CTC1: variants seen among roughly 807,000 people sequenced by gnomAD.
CTC1 encodes the protein CST complex subunit CTC1.
CTC1 carries 91 observed loss-of-function variants against 136.3 expected under a neutral mutation model. The observed-to-expected ratio is 0.67, with a 90% CI of 0.56 to 0.79. CTC1 has a LOEUF of 0.79. Ranked by LOEUF, CTC1 falls within the 30% of genes least tolerant of loss-of-function variation. The pLI is 0.00. For synonymous variants in CTC1, 606 were observed against 613.8 expected, an observed-to-expected ratio of 0.99 and a Z score of 0.19; for missense variants, 1,432 against 1,498.1, an observed-to-expected ratio of 0.96 and a Z score of 0.73.
At chr17:8,233,241 A>C (rs1987398859) in intron 10 of CTC1, 1 of 559,946 alleles carries the variant, frequency 1.8e-6, no homozygotes, top group South Asian at 2.1e-5. Context: ...GAGAAAGCGC[A>C]CAAATAGAGG....
chr17:8,230,583 G>T lies in CTC1; in HGVS notation c.2738C>A (p.Ala913Glu), dbSNP rs771428933. The T allele has an allele frequency of 6.2e-7, 1 of 1,614,058 alleles. No individual in the cohort carries two copies. Among genetic ancestry groups the T allele is most frequent in the Non-Finnish European group, 8.5e-7 (1 of 1,179,962 alleles). ...LSRTLCEPLV[A>E]SLWMKLGNTG... The stretch of plus-strand genomic sequence containing the variant: ...ATTACCCAGTTTCATCCAGAGAGAC[G>T]CCACAAGGGGTTCACATAGTGTCCG... The change falls in exon 16 of 23, where the codon GCG becomes GAG. Residue 913 changes from alanine (A) to glutamate (E), a missense_variant. Transcript: ENST00000651323.
chr17:8,231,567 G>A (rs774804626), intron 14 of CTC1, 98 bp from the exon 15 acceptor site: 51 of 1,292,062 alleles, frequency 3.9e-5, no homozygotes, highest in Middle Eastern at 2.6e-4. Context: ...TCTGGAGCAT[G>A]GAGAAGGAAG....
chr17:8,237,277 C>T, intron 5 of CTC1, 98 bp downstream of exon 5: 1 of 1,394,686 alleles, frequency 7.2e-7, no homozygotes, highest in South Asian at 1.2e-5. Context: ...CCCAGCTGTC[C>T]TCCTTTCCTA....
chr17:8,242,221 T>C (rs933910894), intron 2 of CTC1, among the ~76,000 whole-genome samples: 1 of 151,740 alleles, frequency 6.6e-6, no homozygotes, highest in Admixed American at 6.6e-5. Flanking sequence ...TTAGTAGAGA[T>C]GGTGTTTCAG....
At chr17:8,231,522 A>T in intron 14 of CTC1, 53 bp from the exon 15 acceptor site, 1 of 1,511,030 alleles carries the variant, frequency 6.6e-7, no homozygotes, top group Non-Finnish European at 9.0e-7. Context: ...GTCCAGTGGG[A>T]GGTTCACAAA....
At chr17:8,231,563 G>A in intron 14 of CTC1, 94 bp from the exon 15 acceptor site, 8 of 1,307,498 alleles carry the variant, frequency 6.1e-6, no homozygotes, top group Non-Finnish European at 8.6e-6. Context: ...TCTTTCTGGA[G>A]CATGGAGAAG....
intron 15 of CTC1, 54 bp from the exon 16 acceptor site, chr17:8,230,705 G>C (rs958970185): frequency 6.8e-7 from 1 of 1,460,538 alleles, no homozygotes; most frequent in African/African-American, 1.4e-5. Context: ...GCACAGAGTG[G>C]AGACAGTCAG....
intron 14 of CTC1, 29 bp from the exon 15 acceptor site, chr17:8,231,498 G>C (rs759165678): frequency 1.9e-6 from 3 of 1,571,794 alleles, no homozygotes; most frequent in Non-Finnish European, 1.7e-6. Context: ...ACGACTGCCT[G>C]TGAGTGTGTG....
At position 8,236,343 on chromosome 17, in the gene CTC1, C is replaced by G; in HGVS notation, c.793-1G>C. ...TGTGCCACACCAGCTGGGCAGGGAC[C>G]TGGCTTGTGCAGAGACAGGCAATGT... On this transcript the variant is annotated splice_acceptor_variant, in intron 5 of 22. Coordinates refer to ENST00000651323, the MANE Select transcript of CTC1 (RefSeq NM_025099.6). LOFTEE classifies it high-confidence loss of function. 1 of 1,602,858 alleles carries G rather than the reference C, an allele frequency of 6.2e-7. No individual in the cohort carries two copies. Among genetic ancestry groups the G allele is most frequent in the Non-Finnish European group, 8.5e-7 (1 of 1,178,426 alleles).
At chr17:8,231,499 T>C (rs1353985593) in intron 14 of CTC1, 30 bp from the exon 15 acceptor site, 2 of 1,572,314 alleles carry the variant, frequency 1.3e-6, no homozygotes, top group Non-Finnish European at 1.7e-6. Context: ...CGACTGCCTG[T>C]GAGTGTGTGC....
At chr17:8,229,004 G>A in intron 20 of CTC1, 112 bp from the exon 21 acceptor site, 2 of 1,476,532 alleles carry the variant, frequency 1.4e-6, no homozygotes, top group African/African-American at 1.4e-5. Context: ...ACAGATTTAG[G>A]AGCTTACCCT....
chr17:8,241,385 C>T (rs1355037006), intron 2 of CTC1, among the ~76,000 whole-genome samples: 1 of 151,788 alleles, frequency 6.6e-6, no homozygotes, highest in Non-Finnish European at 1.5e-5. Flanking sequence ...CTCTGGAAGA[C>T]CGAGACGGCA....
intron 9 of CTC1, 23 bp from the exon 10 acceptor site, chr17:8,234,678 CG>C: frequency 6.3e-7 from 1 of 1,593,634 alleles, no homozygotes; most frequent in Non-Finnish European, 8.6e-7. Context: ...GAAGAGAAAT[CG>C]GGTGTGTGTC....
chr17:8,235,049 T>G lies in CTC1; in HGVS notation c.1439+4A>C. On this transcript the variant is annotated splice_donor_region_variant and intron_variant, in intron 8 of 22. Coordinates refer to ENST00000651323, the MANE Select transcript of CTC1 (RefSeq NM_025099.6). ...TCCCCGCCCTGGGCCCTCAGCCTCC[T>G]CACTTGCAGGCCAGCTCCTCCAGGG... The G allele has an allele frequency of 6.2e-7, 1 of 1,613,650 alleles. No homozygotes were observed. The highest frequency in any genetic ancestry group is 8.5e-7 in the Non-Finnish European group (1 of 1,179,678).
rs1264873404 is a variant in CTC1 at position 8,229,954 on chromosome 17, T to C, written c.2948A>G (p.Tyr983Cys). Residue 983 changes from tyrosine to cysteine, a missense_variant, in exon 18 of 23, where the codon TAT becomes TGT. Physicochemically the swap from Tyr to Cys is radical, Grantham distance 194. Transcript: ENST00000651323. ...EKRVSRSHNV[Y>C]CCFRSSTYVQ... Reference sequence around the variant, plus strand: ...ATAAGTGGATGACCGGAAACAACAATAAACATTGTGAGATCTGCAAGTGGA... The same window carrying C: ...ATAAGTGGATGACCGGAAACAACAACAAACATTGTGAGATCTGCAAGTGGA... 1 of 1,613,864 alleles carries C rather than the reference T, an allele frequency of 6.2e-7. No homozygotes were observed. Among genetic ancestry groups the C allele is most frequent in the Non-Finnish European group, 8.5e-7 (1 of 1,179,972 alleles).
At position 8,226,614 on chromosome 17, in the gene CTC1, G is replaced by A. The variant is rs1009861705; in HGVS notation, c.*1566C>T. On this transcript the variant is annotated 3_prime_UTR_variant, in exon 23 of 23. Transcript: ENST00000651323. ...ATGCTGAAGAAAAAAATATGACGTA[G>A]TCGGCAGGATTCGAACCTGCGCGGG... 1 of 151,756 alleles carries A rather than the reference G, an allele frequency of 6.6e-6. No individual in the cohort carries two copies. Among genetic ancestry groups the A allele is most frequent in the African/African-American group, 2.4e-5 (1 of 41,034 alleles). The allele number at this position is 151,756 out of a possible 1,614,324, so 9.4% of individuals were successfully genotyped here.
chr17:8,243,703 C>G (rs1988462487), intron 1 of CTC1, among the ~76,000 whole-genome samples: 1 of 152,212 alleles, frequency 6.6e-6, no homozygotes, highest in Non-Finnish European at 1.5e-5. Flanking sequence ...TACATGGAAT[C>G]TGGTTCTAAA....
At chr17:8,240,950 TA>T (rs540985983) in intron 2 of CTC1, among the ~76,000 whole-genome samples, 16 of 152,002 alleles carry the variant, frequency 1.1e-4, no homozygotes, top group Non-Finnish European at 1.9e-4. Flanking sequence ...GAAAAATAAA[TA>T]AAAATAATTT....
At chr17:8,242,531 G>GA (rs1988319026) in intron 2 of CTC1, among the ~76,000 whole-genome samples, 2 of 79,712 alleles carry the variant, frequency 2.5e-5, no homozygotes, top group African/African-American at 1.1e-4. Flanking sequence ...ATAGTGTAGA[G>GA]AGAAAAAAAA....
Sources: allele counts gnomAD v4.1 joint callset (sites outside exome capture counted in the v4.1 genomes callset), GRCh38; gene constraint gnomAD v4.1.1; transcripts MANE v1.5; gene names NCBI Gene and HGNC (gene_info 2026-07-23, HGNC 2026-07-21).